The following DYM variants were observed in gnomAD, a reference collection of about 807,000 sequenced individuals.
DYM encodes the protein dymeclin.
In DYM, 78 loss-of-function variants were observed where a neutral mutation model predicts 93.1. The ratio of observed to expected loss-of-function variants is 0.84; its 90% CI spans 0.70 to 1.01. DYM has a LOEUF of 1.01. Ranked by LOEUF, DYM falls within the 50% of genes least tolerant of loss-of-function variation. The pLI, the probability that DYM is intolerant of heterozygous loss-of-function variation, is 0.00. For missense variants in DYM, 789 were observed against 845.0 expected (o/e 0.93, Z 0.82); for synonymous variants, 321 against 319.7 (o/e 1.00, Z -0.04).
intron 8 of DYM, among the ~76,000 whole-genome samples, chr18:49,323,783 T>C (rs2062681380): frequency 6.6e-6 from 1 of 152,242 alleles, no homozygotes; most frequent in Admixed American, 6.5e-5. Context: ...GACAATACTT[T>C]ACCATCTAAC....
chr18:49,133,933 A>G (rs1395329550), intron 15 of DYM, among the ~76,000 whole-genome samples: 1 of 152,230 alleles, frequency 6.6e-6, no homozygotes, highest in African/African-American at 2.4e-5. Context: ...ACCTACCACA[A>G]TTCCAAATGT....
In DYM at chr18:49,322,651, A is replaced by G. The variant is rs186670535; in HGVS notation, c.763+9213T>C. On this transcript the variant is annotated intron_variant, in intron 8 of 17. Transcript: ENST00000675505. ...TTATATTACAATATATAAACAGTGTATATACCAAACATCTGATAATTTTCA... is the reference window on the plus strand; with the variant it reads ...TTATATTACAATATATAAACAGTGTGTATACCAAACATCTGATAATTTTCA... Among the ~76,000 whole-genome samples the G allele has an allele frequency of 2.0e-3, 310 of 152,178 alleles. 10 individuals carry two copies. In the South Asian group the frequency reaches 0.061, roughly 30 times the overall value.
At position 49,141,153 on chromosome 18, in the gene DYM, G is replaced by A. The variant is rs138499434; in HGVS notation, c.1729-22227C>T. On this transcript the variant is annotated intron_variant, in intron 15 of 17. Coordinates refer to ENST00000675505, the MANE Select transcript of DYM (RefSeq NM_001353214.3). ...TTCATTCATCAATTGCCATGACTCCGAACATTTTATTTATGCTGATGTCAC... is the reference window on the plus strand; with the variant it reads ...TTCATTCATCAATTGCCATGACTCCAAACATTTTATTTATGCTGATGTCAC... Among the ~76,000 whole-genome samples, 404 of 152,150 alleles carry A rather than the reference G, an allele frequency of 2.7e-3. 2 individuals are homozygous for A. Among genetic ancestry groups the A allele is most frequent in the Middle Eastern group, 6.8e-3 (2 of 294 alleles).
chr18:49,213,612 A>G (rs1156801670), intron 13 of DYM, among the ~76,000 whole-genome samples: 1 of 152,222 alleles, frequency 6.6e-6, no homozygotes, highest in Non-Finnish European at 1.5e-5. Flanking sequence ...CACAGTGCCT[A>G]GCCAATTTAT....
chr18:49,053,406 G>C (rs1794088233), intron 17 of DYM, among the ~76,000 whole-genome samples: 1 of 152,100 alleles, frequency 6.6e-6, no homozygotes, highest in Admixed American at 6.5e-5. Flanking sequence ...ACTCTAGCAA[G>C]CACCTGGCAC....
intron 15 of DYM, among the ~76,000 whole-genome samples, chr18:49,133,904 T>C (rs1475634734): frequency 6.6e-6 from 1 of 152,204 alleles, no homozygotes; most frequent in African/African-American, 2.4e-5. Context: ...TGTGGACACT[T>C]TTCAGGGGCT....
At chr18:49,064,066 A>G (rs1018812852) in intron 17 of DYM, among the ~76,000 whole-genome samples, 1 of 152,258 alleles carries the variant, frequency 6.6e-6, no homozygotes, top group African/African-American at 2.4e-5. Context: ...GAAGGGAGAC[A>G]GTAGAACCAG....
intron 14 of DYM, among the ~76,000 whole-genome samples, chr18:49,194,658 C>CTAG (rs2091281902): frequency 7.2e-6 from 1 of 138,932 alleles, no homozygotes; most frequent in Non-Finnish European, 1.6e-5. Context: ...CTGTGGCAGG[C>CTAG]TAGTAATCTA....
chr18:49,204,494 C>A (rs908378261), intron 14 of DYM, among the ~76,000 whole-genome samples: 1 of 152,118 alleles, frequency 6.6e-6, no homozygotes, highest in Non-Finnish European at 1.5e-5. Flanking sequence ...AAAATAAAGA[C>A]AAATAGGTAC....
chr18:49,191,689 T>C (rs772515746), intron 14 of DYM, among the ~76,000 whole-genome samples: 19 of 152,170 alleles, frequency 1.2e-4, no homozygotes, highest in South Asian at 2.1e-4. Context: ...CCTAGTGAAA[T>C]TGTGAGTAGG....
At chr18:49,046,718 A>G (rs1327529823) in intron 17 of DYM, among the ~76,000 whole-genome samples, 2 of 152,126 alleles carry the variant, frequency 1.3e-5, no homozygotes, top group East Asian at 1.9e-4. Flanking sequence ...TGAGCAACCT[A>G]GCAAGACCCT....
chr18:49,124,647 T>C (rs1599922096), intron 15 of DYM, among the ~76,000 whole-genome samples: 1 of 152,356 alleles, frequency 6.6e-6, no homozygotes, highest in East Asian at 1.9e-4. Context: ...TTACCAAACT[T>C]CTCTTACATT....
intron 17 of DYM, among the ~76,000 whole-genome samples, chr18:49,076,375 AG>A (rs948552106): frequency 1.3e-5 from 2 of 152,262 alleles, no homozygotes; most frequent in African/African-American, 4.8e-5. Context: ...AATATGTTTT[AG>A]TGAAACATGC....
At chr18:49,270,541 G>A (rs1347981490) in intron 11 of DYM, among the ~76,000 whole-genome samples, 2 of 152,040 alleles carry the variant, frequency 1.3e-5, no homozygotes, top group Non-Finnish European at 2.9e-5. Flanking sequence ...ATTGTATTCA[G>A]GATTTTTGCC....
chr18:49,220,024 TCTC>T (rs1272712198), intron 13 of DYM, among the ~76,000 whole-genome samples: 1 of 151,614 alleles, frequency 6.6e-6, no homozygotes, highest in Non-Finnish European at 1.5e-5. Context: ...CAGCCCAAAA[TCTC>T]CTTAAGCTGA....
chr18:49,163,795 A>C lies in DYM; in HGVS notation c.1626-8T>G, dbSNP rs374658638. 4.2e-4 allele frequency: 668 copies of C among 1,579,288 alleles called. No homozygotes were observed. Among genetic ancestry groups the C allele is most frequent in the Non-Finnish European group, 5.5e-4 (635 of 1,154,562 alleles). On this transcript the variant is annotated splice_polypyrimidine_tract_variant and splice_region_variant and intron_variant, in intron 14 of 17. Transcript: ENST00000675505. The stretch of plus-strand genomic sequence containing the variant: ...GACAGCAAAGAAAATAAACTGGAAA[A>C]ACAAACAAAAAACCAATTATATTAA...
chr18:49,309,909 T>A (rs554779394), intron 8 of DYM, among the ~76,000 whole-genome samples: 1 of 152,292 alleles, frequency 6.6e-6, no homozygotes, highest in African/African-American at 2.4e-5. Context: ...ATCAACCCTA[T>A]CCAGACGGCA....
intron 8 of DYM, among the ~76,000 whole-genome samples, chr18:49,327,122 G>A (rs1220290542): frequency 6.6e-6 from 1 of 151,340 alleles, no homozygotes; most frequent in Non-Finnish European, 1.5e-5. Context: ...CAACAAATGG[G>A]ATAAAATGTT....
Position 49,282,019 on chromosome 18 carries a change from G to A in DYM, c.1103C>T (p.Ala368Val). The A allele has an allele frequency of 6.2e-7, 1 of 1,613,818 alleles. No individual in the cohort carries two copies. The highest frequency in any genetic ancestry group is 8.5e-7 in the Non-Finnish European group (1 of 1,179,830). The change falls in exon 10 of 18, where the codon GCT (alanine) becomes GTT (valine). Residue 368 changes from alanine (A) to valine (V), a missense_variant. By Grantham distance (64) the Ala-to-Val change is moderately conservative. Coordinates refer to ENST00000675505, the MANE Select transcript of DYM (RefSeq NM_001353214.3). The part of the protein sequence containing the change: ...QNSNIRTYML[A>V]RTDMENLVLP... ...TACAAGATTTTCCATATCTGTGCGAGCCAACATGTATGTTCTAATATTACT... is the reference window on the plus strand; with the variant it reads ...TACAAGATTTTCCATATCTGTGCGAACCAACATGTATGTTCTAATATTACT...
Sources: gnomAD v4.1 joint callset for allele counts (sites outside exome capture counted in the v4.1 genomes callset) on GRCh38, gnomAD v4.1.1 for gene constraint, MANE v1.5 for transcripts, NCBI Gene and HGNC (gene_info 2026-07-23, HGNC 2026-07-21) for gene names.